The following AGBL4 variants were observed in gnomAD, a reference collection of about 807,000 sequenced individuals.
The protein encoded by AGBL4 is cytosolic carboxypeptidase 6.
Under a neutral mutation model 66.4 loss-of-function variants are expected in AGBL4, and 58 were observed. That is an observed-to-expected ratio of 0.87 (90% CI 0.71 to 1.09). The LOEUF is 1.09. Ranked by LOEUF, AGBL4 falls within the 50% of genes least tolerant of loss-of-function variation. The pLI is 0.00. For synonymous variants in AGBL4, 234 were observed against 222.9 expected, an observed-to-expected ratio of 1.05 and a Z score of -0.44; for missense variants, 579 against 631.0, an observed-to-expected ratio of 0.92 and a Z score of 0.88.
intron 4 of AGBL4, among the ~76,000 whole-genome samples, chr1:49,092,431 A>T (rs2147981738): frequency 6.6e-6 from 1 of 152,230 alleles, no homozygotes; most frequent in Middle Eastern, 3.4e-3. Context: ...CTACACTTGG[A>T]GCATCTTATT....
In AGBL4 at chr1:48,647,030, A is replaced by G. The variant is rs79486009; in HGVS notation, c.839+6307T>C. On this transcript the variant is annotated intron_variant, in intron 8 of 13. Transcript: ENST00000371839. Reference sequence around the variant, plus strand: ...ATTTCCTTCTGCTTCCCCAAGGCCCAGCACAGGGCCTGACACCCAGCAGGA... The same window carrying G: ...ATTTCCTTCTGCTTCCCCAAGGCCCGGCACAGGGCCTGACACCCAGCAGGA... 3.7e-3 allele frequency among the ~76,000 whole-genome samples: 557 copies of G among 152,324 alleles called. 5 individuals carry two copies. The highest frequency in any genetic ancestry group is 0.013 in the African/African-American group (539 of 41,580).
At chr1:49,129,824 T>C (rs1225752993) in intron 4 of AGBL4, among the ~76,000 whole-genome samples, 1 of 152,126 alleles carries the variant, frequency 6.6e-6, no homozygotes, top group Non-Finnish European at 1.5e-5. Context: ...TTTGGGTATA[T>C]ACCCAGTAAT....
At chr1:48,974,410 T>A (rs1571138687) in intron 5 of AGBL4, among the ~76,000 whole-genome samples, 1 of 152,126 alleles carries the variant, frequency 6.6e-6, no homozygotes, top group African/African-American at 2.4e-5. Flanking sequence ...TCAATTACAG[T>A]TCTTGCATGA....
At chr1:50,010,623 T>C (rs1284743973) in intron 1 of AGBL4, among the ~76,000 whole-genome samples, 3 of 152,018 alleles carry the variant, frequency 2.0e-5, no homozygotes, top group Non-Finnish European at 1.5e-5. Flanking sequence ...AACAGACACA[T>C]AGACCAATGG....
At chr1:48,613,376 C>G (rs777492559) in intron 9 of AGBL4, among the ~76,000 whole-genome samples, 2 of 152,082 alleles carry the variant, frequency 1.3e-5, no homozygotes, top group South Asian at 2.1e-4. Context: ...TGGGGTCCAA[C>G]GAGGGCAAAT....
rs867136596 is a variant in AGBL4 at position 49,542,914 on chromosome 1, A to C, written c.282+154399T>G. Among the ~76,000 whole-genome samples the C allele has an allele frequency of 8.9e-3, 1,340 of 150,044 alleles. 27 individuals carry two copies. The highest frequency in any genetic ancestry group is 0.032 in the African/African-American group (1,281 of 40,416). On this transcript the variant is annotated intron_variant, in intron 3 of 13. Coordinates refer to ENST00000371839, the MANE Select transcript of AGBL4 (RefSeq NM_032785.4). ...ACTCCATCAAAAAAAAAAAAAAAAAAAAAAAAAAAAACTCAACAACTCTAG... is the reference window on the plus strand; with the variant it reads ...ACTCCATCAAAAAAAAAAAAAAAAACAAAAAAAAAAACTCAACAACTCTAG...
At chr1:49,601,015 G>A (rs949390417) in intron 3 of AGBL4, among the ~76,000 whole-genome samples, 4 of 152,088 alleles carry the variant, frequency 2.6e-5, no homozygotes, top group Admixed American at 1.3e-4. Context: ...GTCTGATGGG[G>A]TTCCTTTTTA....
In AGBL4 at chr1:49,261,641, T is replaced by C. The variant is rs983273520; in HGVS notation, c.283-15777A>G. Among the ~76,000 whole-genome samples the C allele has an allele frequency of 4.5e-4, 69 of 152,222 alleles. 1 individual carries two copies. The highest frequency in any genetic ancestry group is 1.5e-3 in the African/African-American group (64 of 41,516). ...CTCTTCAAGGAGAACTGCAAACCACTGCTTAATGAAATAAAAGAGGATACA... is the reference window on the plus strand; with the variant it reads ...CTCTTCAAGGAGAACTGCAAACCACCGCTTAATGAAATAAAAGAGGATACA... On this transcript the variant is annotated intron_variant, in intron 3 of 13. Transcript: ENST00000371839.
intron 1 of AGBL4, among the ~76,000 whole-genome samples, chr1:49,994,026 C>T (rs1445408819): frequency 1.3e-5 from 2 of 152,114 alleles, no homozygotes; most frequent in Non-Finnish European, 2.9e-5. Context: ...CTCTAAATTC[C>T]AAAATTTCAG....
chr1:48,543,965 C>T (rs868712523), intron 11 of AGBL4, among the ~76,000 whole-genome samples: 1 of 152,294 alleles, frequency 6.6e-6, no homozygotes, highest in African/African-American at 2.4e-5. Context: ...GGTTTGACTC[C>T]AGAACCATGA....
intron 1 of AGBL4, among the ~76,000 whole-genome samples, chr1:50,019,306 T>TCTCTCTCTCTCTCTCTCACACA (rs1167835143): frequency 4.1e-5 from 2 of 48,402 alleles, no homozygotes; most frequent in East Asian, 1.1e-3. Flanking sequence ...TCTCTCTCTC[T>TCTCTCTCTCTCTCTCTCACACA]CACACACACA....
chr1:48,801,846 C>T (rs1645816404), intron 6 of AGBL4, among the ~76,000 whole-genome samples: 1 of 151,818 alleles, frequency 6.6e-6, no homozygotes, highest in African/African-American at 2.4e-5. Flanking sequence ...TGGCCGGGAG[C>T]TGCACGTTTG....
chr1:49,425,815 C>T (rs1645644949), intron 3 of AGBL4, among the ~76,000 whole-genome samples: 1 of 152,146 alleles, frequency 6.6e-6, no homozygotes, highest in Non-Finnish European at 1.5e-5. Flanking sequence ...CAATATGGTA[C>T]AATGTAAAGT....
intron 9 of AGBL4, among the ~76,000 whole-genome samples, chr1:48,630,898 C>T (rs542876409): frequency 6.6e-6 from 1 of 152,294 alleles, no homozygotes; most frequent in South Asian, 2.1e-4. Flanking sequence ...TTCTCCCTGA[C>T]CTGAGCATCC....
At chr1:49,439,867 C>T (rs1363181112) in intron 3 of AGBL4, among the ~76,000 whole-genome samples, 4 of 152,126 alleles carry the variant, frequency 2.6e-5, no homozygotes, top group African/African-American at 9.7e-5. Context: ...TAAGTTAATA[C>T]TTAATGAAAT....
chr1:49,159,090 T>C (rs1646491498), intron 4 of AGBL4, among the ~76,000 whole-genome samples: 1 of 151,812 alleles, frequency 6.6e-6, no homozygotes, highest in African/African-American at 2.4e-5. Flanking sequence ...TATGTGTGAA[T>C]TTGATCCTGT....
At chr1:49,543,229 C>G (rs141591807) in intron 3 of AGBL4, among the ~76,000 whole-genome samples, 2 of 152,048 alleles carry the variant, frequency 1.3e-5, no homozygotes, top group East Asian at 1.9e-4. Flanking sequence ...CATTCCACAA[C>G]GAATACCATC....
chr1:49,562,755 T>A (rs1365992938), intron 3 of AGBL4, among the ~76,000 whole-genome samples: 1 of 152,162 alleles, frequency 6.6e-6, no homozygotes, highest in African/African-American at 2.4e-5. Context: ...TGCCTCCAGC[T>A]TTGTTCTTTT....
At chr1:48,745,368 T>C (rs547587437) in intron 6 of AGBL4, among the ~76,000 whole-genome samples, 89 of 152,234 alleles carry the variant, frequency 5.8e-4, no homozygotes, top group African/African-American at 2.1e-3. Flanking sequence ...CTAGTTAGAA[T>C]GGACAATTCA....
Sources: gnomAD v4.1 joint callset for allele counts (sites outside exome capture counted in the v4.1 genomes callset) on GRCh38, gnomAD v4.1.1 for gene constraint, MANE v1.5 for transcripts, NCBI Gene and HGNC (gene_info 2026-07-23, HGNC 2026-07-21) for gene names.